LRP1B: variants seen among roughly 807,000 people sequenced by gnomAD.
The protein encoded by LRP1B is LDL receptor related protein 1B, also known as low-density lipoprotein receptor-related protein 1B.
LRP1B carries 217 observed loss-of-function variants against 556.6 expected under a neutral mutation model. The observed-to-expected ratio is 0.39, with a 90% confidence interval of 0.35 to 0.44. The LOEUF (loss-of-function observed/expected upper bound fraction) is 0.44, where lower values mean the gene tolerates loss of function less well. LRP1B is among the 20% of genes least tolerant of loss of function. The pLI is 1.00. For missense variants in LRP1B, 5,053 were observed against 5,620.8 expected, an observed-to-expected ratio of 0.90 and a Z score of 3.23; for synonymous variants, 2,047 against 1,865.8, an observed-to-expected ratio of 1.10 and a Z score of -2.50.
At chr2:140,938,502 GT>G in intron 20 of LRP1B, among the ~76,000 whole-genome samples, 1 of 152,124 alleles carries the variant, frequency 6.6e-6, no homozygotes, top group Non-Finnish European at 1.5e-5. Context: ...TTGAAATTGA[GT>G]ATGCAATTGA....
chr2:141,496,130 G>T (rs1574013233), intron 2 of LRP1B, among the ~76,000 whole-genome samples: 1 of 151,784 alleles, frequency 6.6e-6, no homozygotes, highest in Non-Finnish European at 1.5e-5. Flanking sequence ...TTCATCAAGG[G>T]TTTCGTCTTC....
chr2:141,454,471 ACTTACATGGTC>A (rs1165478173), intron 3 of LRP1B, among the ~76,000 whole-genome samples: 1 of 152,134 alleles, frequency 6.6e-6, no homozygotes, highest in Non-Finnish European at 1.5e-5. Context: ...CTATGGGCCC[ACTTACATGGTC>A]TGTGCAGACC....
At chr2:140,803,260 GTTTTTTT>G (rs11352164) in intron 32 of LRP1B, among the ~76,000 whole-genome samples, 105 of 102,234 alleles carry the variant, frequency 1.0e-3, no homozygotes, top group African/African-American at 5.2e-3. Context: ...CCTATTGAAA[GTTTTTTT>G]TTTTTTTTTT....
chr2:140,766,843 ATT>A (rs764260948), intron 35 of LRP1B, among the ~76,000 whole-genome samples: 55,335 of 95,658 alleles, frequency 0.58, 12,283 homozygotes, highest in East Asian at 0.74. Flanking sequence ...ATATATATAT[ATT>A]ATATATATAT....
chr2:141,172,153 C>T (rs1351756820), intron 7 of LRP1B, among the ~76,000 whole-genome samples: 1 of 152,060 alleles, frequency 6.6e-6, no homozygotes, highest in African/African-American at 2.4e-5. Flanking sequence ...TAACTTTTAT[C>T]ATGAAATAGT....
intron 3 of LRP1B, among the ~76,000 whole-genome samples, chr2:141,461,059 G>A (rs1681848707): frequency 6.6e-6 from 1 of 152,048 alleles, no homozygotes; most frequent in Non-Finnish European, 1.5e-5. Flanking sequence ...AGAGTCATTG[G>A]CACATAGATG....
At chr2:141,240,420 G>A (rs892595551) in intron 5 of LRP1B, among the ~76,000 whole-genome samples, 3 of 151,660 alleles carry the variant, frequency 2.0e-5, no homozygotes, top group African/African-American at 7.3e-5. Context: ...TTTTCCCTCC[G>A]AGGATTTCAA....
intron 7 of LRP1B, among the ~76,000 whole-genome samples, chr2:141,089,530 C>G (rs1700125674): frequency 6.6e-6 from 1 of 152,108 alleles, no homozygotes; most frequent in Non-Finnish European, 1.5e-5. Flanking sequence ...TTGTGTTTAA[C>G]AGGAAAATTA....
chr2:141,288,631 C>G (rs1685817561), intron 3 of LRP1B, among the ~76,000 whole-genome samples: 1 of 152,144 alleles, frequency 6.6e-6, no homozygotes, highest in Non-Finnish European at 1.5e-5. Flanking sequence ...AACTGATTAT[C>G]TTAAATGATC....
intron 1 of LRP1B, among the ~76,000 whole-genome samples, chr2:142,046,772 C>T (rs574843904): frequency 6.6e-5 from 10 of 152,006 alleles, no homozygotes; most frequent in African/African-American, 1.2e-4. Context: ...TTCATATAAA[C>T]GCTCCTCTGT....
At position 141,553,524 on chromosome 2, in the gene LRP1B, T is replaced by C. The variant is rs555287871; in HGVS notation, c.206-72991A>G. On this transcript the variant is annotated intron_variant, in intron 2 of 90. Coordinates refer to ENST00000389484, the MANE Select transcript of LRP1B (RefSeq NM_018557.3). ...GCAAACATCTGCATAAACAGGACAG[T>C]ATAGTTGAGGAAACATTCATGCTGC... is the stretch of plus-strand genomic sequence containing the variant. 6.6e-5 allele frequency among the ~76,000 whole-genome samples: 10 copies of C among 151,514 alleles called. No individual in the cohort carries two copies. The East Asian group carries it at 9.7e-4, about 15-fold the overall frequency.
At chr2:141,564,761 G>A (rs1193335418) in intron 2 of LRP1B, among the ~76,000 whole-genome samples, 2 of 152,034 alleles carry the variant, frequency 1.3e-5, no homozygotes, top group Admixed American at 1.3e-4. Context: ...ATCGAACAGA[G>A]AACAATGTAA....
chr2:140,262,977 G>T lies in LRP1B; in HGVS notation c.13247+7265C>A, dbSNP rs539119227. ...GAGACAACATTGCCCAGGCTGAAAT[G>T]CAGTGAAGCAATCACAGCTCACTGC... is the stretch of plus-strand genomic sequence containing the variant. On this transcript the variant is annotated intron_variant, in intron 86 of 90. Coordinates refer to ENST00000389484, the MANE Select transcript of LRP1B (RefSeq NM_018557.3). Among the ~76,000 whole-genome samples, 27 of 152,274 alleles carry T rather than the reference G, an allele frequency of 1.8e-4. No individual in the cohort carries two copies. In the East Asian group the frequency reaches 4.8e-3, roughly 27 times the overall value.
At chr2:140,662,713 T>C (rs1292383031) in intron 41 of LRP1B, among the ~76,000 whole-genome samples, 11 of 152,178 alleles carry the variant, frequency 7.2e-5, no homozygotes, top group Non-Finnish European at 2.9e-5. Flanking sequence ...TGGCAAACCA[T>C]TTTTATCTTG....
At position 140,371,252 on chromosome 2, in the gene LRP1B, C is replaced by A; in HGVS notation, c.10802G>T (p.Cys3601Phe). 6.3e-7 allele frequency: 1 copy of A among 1,593,266 alleles called. No individual in the cohort carries two copies. The highest frequency in any genetic ancestry group is 8.5e-7 in the Non-Finnish European group (1 of 1,169,688). The change falls in exon 70 of 91, where the codon TGT becomes TTT. Residue 3601 changes from cysteine to phenylalanine, a missense_variant. Physicochemically the swap from Cys to Phe is radical, Grantham distance 205. Coordinates refer to ENST00000389484, the MANE Select transcript of LRP1B (RefSeq NM_018557.3). ...TGCTGAAATACATCCATCACTGGCA[C>A]ATATATATTCACGTGATGAGCAAGT... ...SPTCSSREYI[C>F]ASDGCISASL...
chr2:140,327,720 G>GTGAGTATGTAA (rs983434943), intron 79 of LRP1B, among the ~76,000 whole-genome samples: 11 of 151,574 alleles, frequency 7.3e-5, no homozygotes, highest in African/African-American at 2.7e-4. Flanking sequence ...GAAGAAAACA[G>GTGAGTATGTAA]TGAGTATGTA....
chr2:141,357,962 T>C (rs936394800), intron 3 of LRP1B, among the ~76,000 whole-genome samples: 2 of 152,144 alleles, frequency 1.3e-5, no homozygotes. Flanking sequence ...TGTATGACTG[T>C]TGAGGAAAAA....
At chr2:141,104,177 T>C (rs1412918186) in intron 7 of LRP1B, among the ~76,000 whole-genome samples, 1 of 152,030 alleles carries the variant, frequency 6.6e-6, no homozygotes, top group Non-Finnish European at 1.5e-5. Flanking sequence ...CCCACTTCTA[T>C]GTGAGAACAT....
At chr2:140,670,649 G>C (rs1225931085) in intron 41 of LRP1B, among the ~76,000 whole-genome samples, 1 of 150,216 alleles carries the variant, frequency 6.7e-6, no homozygotes, top group Non-Finnish European at 1.5e-5. Flanking sequence ...AGGAACCAAT[G>C]TTATAGTTAA....
Sources: gnomAD v4.1 joint callset for allele counts (sites outside exome capture counted in the v4.1 genomes callset) on GRCh38, gnomAD v4.1.1 for gene constraint, MANE v1.5 for transcripts, NCBI Gene and HGNC (gene_info 2026-07-23, HGNC 2026-07-21) for gene names.